Variants in CNTNAP5 observed in about 807,000 individuals in gnomAD.
The protein encoded by CNTNAP5 is contactin associated protein family member 5.
Under a neutral mutation model 150.2 loss-of-function variants are expected in CNTNAP5, and 72 were observed. The observed-to-expected ratio is 0.48, with a 90% CI of 0.40 to 0.58. CNTNAP5 has a LOEUF of 0.58. CNTNAP5 is among the 20% of genes least tolerant of loss of function. CNTNAP5 has a pLI of 0.00. For synonymous variants in CNTNAP5, 672 were observed against 619.8 expected (o/e 1.08, Z -1.25); for missense variants, 1,636 against 1,626.2 (o/e 1.01, Z -0.10).
At chr2:124,856,802 G>T (rs936587247) in intron 19 of CNTNAP5, among the ~76,000 whole-genome samples, 7 of 152,230 alleles carry the variant, frequency 4.6e-5, no homozygotes, top group African/African-American at 1.7e-4. Flanking sequence ...TCCATGCGAG[G>T]TTCTTTCTTG....
intron 3 of CNTNAP5, among the ~76,000 whole-genome samples, chr2:124,349,874 C>CTTTTTT (rs70996061): frequency 0.014 from 1,105 of 81,730 alleles, 214 homozygotes; most frequent in African/African-American, 0.022. Flanking sequence ...CTGGCTATTT[C>CTTTTTT]TTTTTTTTTT....
chr2:124,770,278 T>A (rs1266154291), intron 16 of CNTNAP5, among the ~76,000 whole-genome samples: 1 of 152,068 alleles, frequency 6.6e-6, no homozygotes, highest in African/African-American at 2.4e-5. Flanking sequence ...AGTTGCAGAC[T>A]CGGGGGAGAC....
chr2:124,396,763 T>C (rs1301868357), intron 3 of CNTNAP5, among the ~76,000 whole-genome samples: 3 of 152,180 alleles, frequency 2.0e-5, no homozygotes, highest in Admixed American at 6.5e-5. Flanking sequence ...TTGAGATAGA[T>C]CTTTCTATAT....
intron 1 of CNTNAP5, among the ~76,000 whole-genome samples, chr2:124,098,937 A>G (rs976085183): frequency 6.6e-5 from 10 of 152,180 alleles, no homozygotes; most frequent in African/African-American, 2.2e-4. Context: ...TGCCTGATTA[A>G]CAGCAATAAT....
chr2:124,215,595 TTTTA>T (rs1686135147), intron 1 of CNTNAP5, among the ~76,000 whole-genome samples: 1 of 152,096 alleles, frequency 6.6e-6, no homozygotes, highest in East Asian at 1.9e-4. Context: ...TGAATGTTTC[TTTTA>T]TTTTTCTCTT....
intron 1 of CNTNAP5, among the ~76,000 whole-genome samples, chr2:124,043,473 T>G (rs750564899): frequency 6.6e-5 from 10 of 152,212 alleles, no homozygotes; most frequent in African/African-American, 2.4e-4. Flanking sequence ...TACCTAACGA[T>G]AGCCACCACA....
At chr2:124,768,830 A>G (rs34409161) in intron 16 of CNTNAP5, among the ~76,000 whole-genome samples, 22,047 of 152,190 alleles carry the variant, frequency 0.14, 1,845 homozygotes, top group Middle Eastern at 0.28. Context: ...CAGGACATAA[A>G]GGAAGCCCCT....
At chr2:124,408,599 G>A (rs1194829990) in intron 3 of CNTNAP5, among the ~76,000 whole-genome samples, 1 of 151,848 alleles carries the variant, frequency 6.6e-6, no homozygotes, top group East Asian at 1.9e-4. Flanking sequence ...CAGCCTAACT[G>A]GGAGGCACCC....
chr2:124,775,458 GA>G (rs1681300976), intron 17 of CNTNAP5, among the ~76,000 whole-genome samples: 1 of 152,140 alleles, frequency 6.6e-6, no homozygotes, highest in Admixed American at 6.6e-5. Flanking sequence ...TGTCTGTCTA[GA>G]TATCTTTGGC....
intron 8 of CNTNAP5, among the ~76,000 whole-genome samples, chr2:124,520,300 A>G (rs760136777): frequency 9.8e-5 from 15 of 152,328 alleles, no homozygotes; most frequent in Non-Finnish European, 1.8e-4. Context: ...TTGCTATTGT[A>G]AATAATGGTG....
chr2:124,673,522 GA>G (rs1678865647), intron 13 of CNTNAP5, among the ~76,000 whole-genome samples: 1 of 151,142 alleles, frequency 6.6e-6, no homozygotes, highest in Non-Finnish European at 1.5e-5. Context: ...CCTCACACAT[GA>G]GGGTATATGT....
At chr2:124,493,992 ACACAC>A in intron 7 of CNTNAP5, among the ~76,000 whole-genome samples, 1 of 151,208 alleles carries the variant, frequency 6.6e-6, no homozygotes, top group African/African-American at 2.4e-5. Flanking sequence ...ACACACACAC[ACACAC>A]ACACACTCCA....
At chr2:124,396,640 T>C (rs74839221) in intron 3 of CNTNAP5, among the ~76,000 whole-genome samples, 6,795 of 152,258 alleles carry the variant, frequency 0.045, 205 homozygotes, top group Non-Finnish European at 0.069. Flanking sequence ...TTTTCAATAT[T>C]ATACCTTTTC....
intron 14 of CNTNAP5, among the ~76,000 whole-genome samples, chr2:124,763,290 G>A (rs1365266680): frequency 1.3e-5 from 2 of 152,132 alleles, no homozygotes; most frequent in Non-Finnish European, 2.9e-5. Context: ...TGGAATTTGT[G>A]ATGGCTGTTT....
At chr2:124,653,922 C>CCG (rs1558721450) in intron 13 of CNTNAP5, among the ~76,000 whole-genome samples, 1 of 141,026 alleles carries the variant, frequency 7.1e-6, no homozygotes, top group Non-Finnish European at 1.6e-5. Flanking sequence ...CCCCCCCCCC[C>CCG]CGCCACACAC....
At chr2:124,700,192 T>C (rs917451752) in intron 13 of CNTNAP5, among the ~76,000 whole-genome samples, 3 of 152,202 alleles carry the variant, frequency 2.0e-5, no homozygotes, top group African/African-American at 7.2e-5. Context: ...TATATTTCAG[T>C]ACTTCCTTCC....
intron 7 of CNTNAP5, among the ~76,000 whole-genome samples, chr2:124,488,723 T>C (rs1693949252): frequency 6.6e-6 from 1 of 152,192 alleles, no homozygotes; most frequent in Non-Finnish European, 1.5e-5. Flanking sequence ...TTGAAGCTTA[T>C]GTTGTGATGA....
chr2:124,227,388 T>C (rs974307443), intron 2 of CNTNAP5, among the ~76,000 whole-genome samples: 2 of 152,228 alleles, frequency 1.3e-5, no homozygotes, highest in African/African-American at 4.8e-5. Flanking sequence ...CCCTTCTAAA[T>C]GTCCAAACAC....
chr2:124,384,320 C>T (rs1319129638), intron 3 of CNTNAP5, among the ~76,000 whole-genome samples: 2 of 152,090 alleles, frequency 1.3e-5, no homozygotes, highest in African/African-American at 4.8e-5. Flanking sequence ...ATCACTTTGC[C>T]TTTCTTCTCT....
Sources: gnomAD v4.1 joint callset for allele counts (sites outside exome capture counted in the v4.1 genomes callset) on GRCh38, gnomAD v4.1.1 for gene constraint, MANE v1.5 for transcripts, NCBI Gene and HGNC (gene_info 2026-07-23, HGNC 2026-07-21) for gene names.